Variants in NRG3 observed in about 807,000 individuals in gnomAD.
The protein encoded by NRG3 is neuregulin 3, also known as pro-neuregulin-3, membrane-bound isoform.
In NRG3, 31 loss-of-function variants were observed where a neutral mutation model predicts 66.9. That is an observed-to-expected ratio of 0.46 (90% confidence interval 0.35 to 0.63). NRG3 has a LOEUF of 0.63. Among genes scored for constraint, NRG3 ranks in the 20% least tolerant of loss-of-function variants. NRG3 has a pLI of 0.00. For missense variants in NRG3, 910 were observed against 878.9 expected (o/e 1.04, Z -0.45); for synonymous variants, 393 against 359.4 (o/e 1.09, Z -1.06).
chr10:82,213,313 G>A (rs949150172), intron 1 of NRG3, among the ~76,000 whole-genome samples: 1 of 152,126 alleles, frequency 6.6e-6, no homozygotes, highest in Admixed American at 6.6e-5. Flanking sequence ...TAAACTTTTT[G>A]AGTTCTGGCA....
chr10:82,914,159 T>A (rs2131998304), intron 4 of NRG3, among the ~76,000 whole-genome samples: 1 of 152,232 alleles, frequency 6.6e-6, no homozygotes, highest in African/African-American at 2.4e-5. Flanking sequence ...TTCTTAGAAT[T>A]TTTATCTCTC....
rs1025900876 is a variant in NRG3 at position 82,208,653 on chromosome 10, G to GA, written c.824-150075dup. 7.1e-3 allele frequency among the ~76,000 whole-genome samples: 1,022 copies of GA among 143,394 alleles called. 9 individuals are homozygous for GA. The highest frequency in any genetic ancestry group is 0.022 in the African/African-American group (879 of 39,290). 94.1% of individuals were successfully genotyped at this position (143,394 alleles called of 152,430 possible). The stretch of plus-strand genomic sequence containing the variant: ...AAAGTGTTTAAAACACGTATGAGGG[G>GA]AAAAAAAAAAACTACAGGAACGTCA... On this transcript the variant is annotated intron_variant, in intron 1 of 8. Transcript: ENST00000372141.
chr10:81,957,130 T>A (rs1368946970), intron 1 of NRG3, among the ~76,000 whole-genome samples: 1 of 152,098 alleles, frequency 6.6e-6, no homozygotes, highest in African/African-American at 2.4e-5. Flanking sequence ...TGCCAAGGAC[T>A]CCATAGCCCT....
chr10:82,047,521 A>G (rs1373419921), intron 1 of NRG3, among the ~76,000 whole-genome samples: 2 of 151,974 alleles, frequency 1.3e-5, no homozygotes, highest in African/African-American at 4.8e-5. Flanking sequence ...GCGAAGGAGA[A>G]ATAAAATACT....
intron 2 of NRG3, among the ~76,000 whole-genome samples, chr10:82,442,815 T>A (rs1011758008): frequency 2.3e-5 from 3 of 132,476 alleles, no homozygotes; most frequent in African/African-American, 3.2e-5. Context: ...TTTTTTTTTT[T>A]AGTGAAATAA....
intron 1 of NRG3, among the ~76,000 whole-genome samples, chr10:82,174,747 G>T (rs1417904571): frequency 6.6e-6 from 1 of 151,964 alleles, no homozygotes; most frequent in Non-Finnish European, 1.5e-5. Context: ...GGCTCACTCT[G>T]TTATGATTTT....
At chr10:82,041,802 G>A (rs936757180) in intron 1 of NRG3, among the ~76,000 whole-genome samples, 5 of 110,944 alleles carry the variant, frequency 4.5e-5, no homozygotes, top group Non-Finnish European at 7.7e-5. Context: ...AAGAAGAATG[G>A]TCTACTGATC....
intron 2 of NRG3, among the ~76,000 whole-genome samples, chr10:82,496,482 A>G (rs1190850465): frequency 6.6e-6 from 1 of 151,668 alleles, no homozygotes; most frequent in Admixed American, 6.6e-5. Flanking sequence ...TTACAAAACT[A>G]CCTCCCTTGT....
chr10:82,292,092 T>G (rs1467264028), intron 1 of NRG3, among the ~76,000 whole-genome samples: 2 of 152,032 alleles, frequency 1.3e-5, no homozygotes, highest in African/African-American at 4.8e-5. Flanking sequence ...GAATAAGTAT[T>G]TAGAATATAT....
chr10:82,597,853 G>A (rs938558422), intron 2 of NRG3, among the ~76,000 whole-genome samples: 39 of 151,692 alleles, frequency 2.6e-4, no homozygotes, highest in African/African-American at 8.5e-4. Context: ...CCAGGGAGTC[G>A]GTGGTTGCAG....
At chr10:81,979,701 CACAT>C (rs1435261911) in intron 1 of NRG3, among the ~76,000 whole-genome samples, 7 of 152,300 alleles carry the variant, frequency 4.6e-5, no homozygotes, top group African/African-American at 1.7e-4. Flanking sequence ...CATACGGACT[CACAT>C]GCATGCACAA....
chr10:81,998,349 T>G (rs2061025247), intron 1 of NRG3, among the ~76,000 whole-genome samples: 1 of 152,150 alleles, frequency 6.6e-6, no homozygotes, highest in African/African-American at 2.4e-5. Context: ...CTCTAGACAT[T>G]CCCTCCTGTG....
At chr10:82,461,672 AAGG>A (rs2091521758) in intron 2 of NRG3, among the ~76,000 whole-genome samples, 1 of 152,140 alleles carries the variant, frequency 6.6e-6, no homozygotes, top group Non-Finnish European at 1.5e-5. Flanking sequence ...GTGAGAAAAC[AAGG>A]AGAACTTTTA....
At chr10:82,702,272 A>C (rs1349349963) in intron 2 of NRG3, among the ~76,000 whole-genome samples, 1 of 152,186 alleles carries the variant, frequency 6.6e-6, no homozygotes, top group Non-Finnish European at 1.5e-5. Flanking sequence ...AGAGATAATA[A>C]ATTGACCGAA....
At chr10:82,164,432 T>C (rs753307927) in intron 1 of NRG3, among the ~76,000 whole-genome samples, 19 of 152,170 alleles carry the variant, frequency 1.2e-4, no homozygotes, top group Non-Finnish European at 2.6e-4. Flanking sequence ...CACCTTATTC[T>C]GCTATGTAAC....
At chr10:82,635,421 G>A (rs1565150948) in intron 2 of NRG3, among the ~76,000 whole-genome samples, 1 of 152,122 alleles carries the variant, frequency 6.6e-6, no homozygotes, top group Non-Finnish European at 1.5e-5. Context: ...ACATGCCCAT[G>A]ATGGAGTTGC....
chr10:82,337,913 A>G (rs984991092), intron 1 of NRG3, among the ~76,000 whole-genome samples: 3 of 152,208 alleles, frequency 2.0e-5, no homozygotes, highest in Non-Finnish European at 2.9e-5. Context: ...TATTACATAA[A>G]TAAGATTCAG....
chr10:82,876,575 T>G (rs539797672), intron 4 of NRG3, among the ~76,000 whole-genome samples: 1 of 152,336 alleles, frequency 6.6e-6, no homozygotes, highest in South Asian at 2.1e-4. Flanking sequence ...AGACACAGAA[T>G]AATCTGATCT....
chr10:82,004,683 T>C (rs777876362), intron 1 of NRG3, among the ~76,000 whole-genome samples: 5 of 152,204 alleles, frequency 3.3e-5, no homozygotes, highest in African/African-American at 4.8e-5. Flanking sequence ...TATTTGGAGA[T>C]AATGTCTTTA....
Sources: allele counts gnomAD v4.1 joint callset (sites outside exome capture counted in the v4.1 genomes callset), GRCh38; gene constraint gnomAD v4.1.1; transcripts MANE v1.5; gene names NCBI Gene and HGNC (gene_info 2026-07-23, HGNC 2026-07-21).